HS3ST3B1: variants seen among roughly 807,000 people sequenced by gnomAD.
HS3ST3B1 encodes heparan sulfate-glucosamine 3-sulfotransferase 3B1.
In HS3ST3B1, 13 loss-of-function variants were observed where a neutral mutation model predicts 21.3. The ratio of observed to expected loss-of-function variants is 0.61; its 90% CI spans 0.40 to 0.97. The LOEUF is 0.97. HS3ST3B1 is among the 50% of genes least tolerant of loss of function. HS3ST3B1 has a pLI of 0.00. For synonymous variants in HS3ST3B1, 234 were observed against 254.8 expected, an observed-to-expected ratio of 0.92 and a Z score of 0.78; for missense variants, 459 against 554.8, an observed-to-expected ratio of 0.83 and a Z score of 1.73.
rs184328096 is a variant in HS3ST3B1, at chr17:14,339,030, T to A, written c.555-5998T>A. ...AGGCTTGTCCCAAGGAATACTCTTGTGGGCTGTGAGCATTGTGTCTTCCTT... is the reference window on the plus strand; with the variant it reads ...AGGCTTGTCCCAAGGAATACTCTTGAGGGCTGTGAGCATTGTGTCTTCCTT... On this transcript the variant is annotated intron_variant, in intron 1 of 1. Transcript: ENST00000360954. Among the ~76,000 whole-genome samples the A allele has an allele frequency of 1.6e-3, 237 of 152,318 alleles. 1 individual carries two copies. The highest frequency in any genetic ancestry group is 6.8e-3 in the Middle Eastern group (2 of 292).
At chr17:14,314,338 G>A (rs1454881934) in intron 1 of HS3ST3B1, among the ~76,000 whole-genome samples, 2 of 152,162 alleles carry the variant, frequency 1.3e-5, no homozygotes, top group Non-Finnish European at 2.9e-5. Flanking sequence ...AATCAGAAGT[G>A]CACAGCCTGA....
At chr17:14,325,770 G>A (rs1909792643) in intron 1 of HS3ST3B1, among the ~76,000 whole-genome samples, 1 of 152,176 alleles carries the variant, frequency 6.6e-6, no homozygotes, top group Non-Finnish European at 1.5e-5. Context: ...TACGCTGCTG[G>A]TAAGTGCTGG....
chr17:14,319,469 T>C (rs542415948), intron 1 of HS3ST3B1, among the ~76,000 whole-genome samples: 3 of 152,320 alleles, frequency 2.0e-5, no homozygotes, highest in African/African-American at 7.2e-5. Context: ...TTGGTTTCTC[T>C]GTATCTGAAT....
intron 1 of HS3ST3B1, among the ~76,000 whole-genome samples, chr17:14,335,392 A>G (rs1036302437): frequency 3.9e-5 from 6 of 152,196 alleles, no homozygotes; most frequent in African/African-American, 1.2e-4. Flanking sequence ...AACAGTAAAT[A>G]TATCAGTTAT....
chr17:14,319,678 T>A (rs1167753705), intron 1 of HS3ST3B1, among the ~76,000 whole-genome samples: 1 of 152,086 alleles, frequency 6.6e-6, no homozygotes, highest in Non-Finnish European at 1.5e-5. Context: ...AATAAACAAG[T>A]AGATTAATAA....
At chr17:14,309,513 G>T (rs1251876519) in intron 1 of HS3ST3B1, among the ~76,000 whole-genome samples, 1 of 147,778 alleles carries the variant, frequency 6.8e-6, no homozygotes, top group Non-Finnish European at 1.5e-5. Flanking sequence ...ATGGTGTTCC[G>T]CCTGAGAGGA....
chr17:14,301,875 G>A lies in HS3ST3B1; in HGVS notation c.357G>A (p.Pro119=), dbSNP rs1355325062. The part of the protein sequence containing the change: ...ASPEEQSPEV[P]DSPSPISSFF... ...CGGAGGAGCAGAGTCCCGAGGTGCC[G>A]GACTCCCCAAGCCCCATCTCCAGCT... The change falls in exon 1 of 2, where the codon CCG becomes CCA. Residue 119 remains proline, a synonymous_variant. Coordinates refer to ENST00000360954, the MANE Select transcript of HS3ST3B1 (RefSeq NM_006041.3). 1.2e-6 allele frequency: 2 copies of A among 1,604,424 alleles called. No individual in the cohort carries two copies. The highest frequency in any genetic ancestry group is 2.2e-5 in the East Asian group (1 of 44,526).
At chr17:14,311,090 A>AT (rs5819468) in intron 1 of HS3ST3B1, among the ~76,000 whole-genome samples, 36,134 of 148,292 alleles carry the variant, frequency 0.24, 4,925 homozygotes, top group Middle Eastern at 0.41. Context: ...TCTAACAAGG[A>AT]TTTTTTTTTT....
intron 1 of HS3ST3B1, among the ~76,000 whole-genome samples, chr17:14,343,609 T>C (rs1306780650): frequency 6.6e-6 from 1 of 152,220 alleles, no homozygotes; most frequent in Non-Finnish European, 1.5e-5. Context: ...GTGCCTGATT[T>C]ATTTCGCTTA....
intron 1 of HS3ST3B1, among the ~76,000 whole-genome samples, chr17:14,322,898 C>CTTTTTT (rs34065582): frequency 7.4e-5 from 7 of 94,604 alleles, no homozygotes; most frequent in East Asian, 3.2e-4. Context: ...GTGTCTATGT[C>CTTTTTT]TTTTTTTTTT....
rs776914146 is a variant in HS3ST3B1, at chr17:14,345,235, G to C, written c.762G>C (p.Leu254Phe). ...CCGACATCCCCACCTTCGAGAGCTTGACGTTCAAAAACAGGACAGCGGGCC... is the reference window on the plus strand; with the variant it reads ...CCGACATCCCCACCTTCGAGAGCTTCACGTTCAAAAACAGGACAGCGGGCC... Reference protein sequence around the residue: ...KRPDIPTFESLTFKNRTAGLI... With the variant: ...KRPDIPTFESFTFKNRTAGLI... The change falls in exon 2 of 2, where the codon TTG (leucine) becomes TTC (phenylalanine). Residue 254 changes from leucine (L) to phenylalanine (F), a missense_variant. Physicochemically the swap from Leu to Phe is conservative, Grantham distance 22. Coordinates refer to ENST00000360954, the MANE Select transcript of HS3ST3B1 (RefSeq NM_006041.3). The C allele has an allele frequency of 2.8e-5, 38 of 1,380,996 alleles. No homozygotes were observed. The highest frequency in any genetic ancestry group is 1.7e-4 in the Admixed American group (9 of 53,052). 85.5% of individuals were successfully genotyped at this position (1,380,996 alleles called of 1,614,324 possible). A position where few individuals can be genotyped will look rare whatever the true frequency, so the allele number is the denominator to read the frequency against.
At chr17:14,312,062 G>T (rs1015529445) in intron 1 of HS3ST3B1, among the ~76,000 whole-genome samples, 3 of 151,524 alleles carry the variant, frequency 2.0e-5, no homozygotes, top group Non-Finnish European at 2.9e-5. Flanking sequence ...AGAGAGCTAA[G>T]GAAGTAAGAA....
At position 14,345,032 on chromosome 17, in the gene HS3ST3B1, C is replaced by G. The variant is rs753716510; in HGVS notation, c.559C>G (p.Leu187Val). 6.2e-7 allele frequency: 1 copy of G among 1,603,696 alleles called. No individual in the cohort carries two copies. The highest frequency in any genetic ancestry group is 8.5e-7 in the Non-Finnish European group (1 of 1,173,380). ...TTGTTTGCTTGCGTTTCTCAGGGAC[C>G]TGATGCCCAGAACCCTGGACGGGCA... ...YDKGLAWYRDLMPRTLDGQIT... is the reference protein window; with the variant it reads ...YDKGLAWYRDVMPRTLDGQIT... Residue 187 changes from leucine to valine, a missense_variant, in exon 2 of 2, where the codon CTG (leucine) becomes GTG (valine). Physicochemically the swap from Leu to Val is conservative, Grantham distance 32 (BLOSUM62 1). Around this residue, in one of 3 missense-constraint regions of HS3ST3B1, gnomAD observed 317 missense variants for 278.6 expected, o/e 1.14. Transcript: ENST00000360954.
At chr17:14,306,094 G>A (rs1046024410) in intron 1 of HS3ST3B1, among the ~76,000 whole-genome samples, 1 of 152,198 alleles carries the variant, frequency 6.6e-6, no homozygotes, top group African/African-American at 2.4e-5. Flanking sequence ...CTTTAGAAGA[G>A]TTTGACAGCT....
At chr17:14,306,971 G>C (rs1251740782) in intron 1 of HS3ST3B1, among the ~76,000 whole-genome samples, 1 of 152,120 alleles carries the variant, frequency 6.6e-6, no homozygotes, top group East Asian at 1.9e-4. Flanking sequence ...ACCATAAAAT[G>C]GTTGATTAAT....
chr17:14,344,928 C>A, intron 1 of HS3ST3B1, 100 bp from the exon 2 acceptor site: 3 of 1,474,136 alleles, frequency 2.0e-6, no homozygotes, highest in Non-Finnish European at 2.7e-6. Flanking sequence ...CCACTGCTTC[C>A]AGAAATAAGA....
At chr17:14,316,777 C>T (rs1482644503) in intron 1 of HS3ST3B1, among the ~76,000 whole-genome samples, 1 of 152,186 alleles carries the variant, frequency 6.6e-6, no homozygotes, top group African/African-American at 2.4e-5. Context: ...TCACACAGCA[C>T]CGGAAACAAA....
intron 1 of HS3ST3B1, among the ~76,000 whole-genome samples, chr17:14,318,283 G>C (rs917717194): frequency 1.3e-5 from 2 of 152,190 alleles, no homozygotes; most frequent in Admixed American, 1.3e-4. Flanking sequence ...CACCAGTCCT[G>C]CTGAGAGAGG....
At chr17:14,342,211 G>A (rs1910408883) in intron 1 of HS3ST3B1, among the ~76,000 whole-genome samples, 1 of 152,070 alleles carries the variant, frequency 6.6e-6, no homozygotes, top group African/African-American at 2.4e-5. Context: ...CTTACTGAGA[G>A]GTAAATATTT....
Sources: allele counts gnomAD v4.1 joint callset (sites outside exome capture counted in the v4.1 genomes callset), GRCh38; gene constraint gnomAD v4.1.1; regional missense constraint gnomAD v4.1.1; transcripts MANE v1.5; gene names NCBI Gene and HGNC (gene_info 2026-07-23, HGNC 2026-07-21).